The following LRRC7 variants were observed in gnomAD, a reference collection of about 807,000 sequenced individuals.
LRRC7 encodes leucine rich repeat containing 7.
In LRRC7, 23 loss-of-function variants were observed where a neutral mutation model predicts 175.7. The observed-to-expected ratio is 0.13, with a 90% CI of 0.09 to 0.19. The LOEUF is 0.19. Ranked by LOEUF, LRRC7 falls within the 10% of genes least tolerant of loss-of-function variation. The probability of loss-of-function intolerance (pLI) is 1.00; values close to 1 mark genes in which losing one functional copy is unlikely to be tolerated. For synonymous variants in LRRC7, 685 were observed against 680.9 expected (o/e 1.01, Z -0.09); for missense variants, 1,354 against 1,904.7 (o/e 0.71, Z 5.38).
chr1:69,807,395 T>C (rs964005709), intron 4 of LRRC7, among the ~76,000 whole-genome samples: 28 of 152,086 alleles, frequency 1.8e-4, no homozygotes, highest in African/African-American at 6.3e-4. Flanking sequence ...CTAGCCTTGA[T>C]GGTCTTTACA....
In LRRC7 at chr1:70,038,096, TC is replaced by T. The variant is rs1182578692; in HGVS notation, c.2289-14del. On this transcript the variant is annotated splice_polypyrimidine_tract_variant and intron_variant, in intron 20 of 26. Coordinates refer to ENST00000651989, the MANE Select transcript of LRRC7 (RefSeq NM_001370785.2). ...CTCTTCGTCCTTTTCAATTTCTTCT[TC>T]CCATTGTGTTCACAGGATTGCACCA... 1 of 1,572,948 alleles carries T rather than the reference TC, an allele frequency of 6.4e-7. No homozygotes were observed. Among genetic ancestry groups the T allele is most frequent in the Admixed American group, 1.9e-5 (1 of 53,640 alleles).
chr1:69,776,587 C>T (rs1207395835), intron 3 of LRRC7, among the ~76,000 whole-genome samples: 1 of 152,116 alleles, frequency 6.6e-6, no homozygotes, highest in Non-Finnish European at 1.5e-5. Flanking sequence ...GAGTTAAGAC[C>T]AGTCAGAGAT....
At position 69,857,386 on chromosome 1, in the gene LRRC7, T is replaced by G. The variant is rs1344678966; in HGVS notation, c.647+19103T>G. ...AACCCCATTGTCTCAGCCCAAAATC[T>G]CCTTAAGCTGATAAGCAACTTCAGC... On this transcript the variant is annotated intron_variant, in intron 7 of 26. Transcript: ENST00000651989. Among the ~76,000 whole-genome samples, 11 of 152,320 alleles carry G rather than the reference T, an allele frequency of 7.2e-5. No individual in the cohort carries two copies. In the Middle Eastern group the frequency reaches 0.01, roughly 141 times the overall value.
chr1:69,874,320 T>C (rs1685846174), intron 7 of LRRC7: 1 of 152,154 alleles, frequency 6.6e-6, no homozygotes, highest in South Asian at 2.1e-4. Flanking sequence ...TTTTAACATT[T>C]TATACATACA....
chr1:69,907,743 C>A (rs1480652129), intron 7 of LRRC7, among the ~76,000 whole-genome samples: 1 of 152,170 alleles, frequency 6.6e-6, no homozygotes, highest in Non-Finnish European at 1.5e-5. Context: ...GTGTCTCTGT[C>A]AGGCTTTGGT....
chr1:69,838,146 G>A, intron 6 of LRRC7, 81 bp from the exon 7 acceptor site: 1 of 897,780 alleles, frequency 1.1e-6, no homozygotes, highest in East Asian at 2.5e-5. Flanking sequence ...TAACCCTATA[G>A]TGCTACCAAA....
chr1:69,744,324 C>T (rs967905320), intron 2 of LRRC7, among the ~76,000 whole-genome samples: 3 of 151,730 alleles, frequency 2.0e-5, no homozygotes, highest in African/African-American at 4.8e-5. Context: ...TTTCTACTAT[C>T]CTTAAAGACT....
At chr1:70,115,957 C>A (rs1665821109) in intron 26 of LRRC7, among the ~76,000 whole-genome samples, 1 of 152,122 alleles carries the variant, frequency 6.6e-6, no homozygotes, top group Non-Finnish European at 1.5e-5. Context: ...TGCAGTTATT[C>A]TTTTTGTGAA....
chr1:69,570,599 C>T (rs1645701196), intron 1 of LRRC7, among the ~76,000 whole-genome samples: 1 of 152,176 alleles, frequency 6.6e-6, no homozygotes, highest in African/African-American at 2.4e-5. Context: ...AAGTGTCACG[C>T]CTCCGTCCAG....
intron 1 of LRRC7, among the ~76,000 whole-genome samples, chr1:69,571,372 T>G (rs1232615433): frequency 6.6e-6 from 1 of 152,232 alleles, no homozygotes; most frequent in Admixed American, 6.5e-5. Context: ...GCTTTTAATT[T>G]TTCTAATTCC....
At chr1:70,053,283 T>C (rs1660883010) in intron 23 of LRRC7, 138 bp downstream of exon 23, 3 of 734,734 alleles carry the variant, frequency 4.1e-6, no homozygotes, top group Middle Eastern at 2.6e-4. Context: ...TACACGAGTT[T>C]GGTTGACTGT....
chr1:69,903,728 T>C (rs2101675773), intron 7 of LRRC7, among the ~76,000 whole-genome samples: 1 of 152,228 alleles, frequency 6.6e-6, no homozygotes, highest in East Asian at 1.9e-4. Context: ...AGCTGGTTTT[T>C]TGAAAAGACT....
intron 18 of LRRC7, among the ~76,000 whole-genome samples, chr1:70,033,652 T>C (rs1659003727): frequency 6.6e-6 from 1 of 152,144 alleles, no homozygotes; most frequent in Middle Eastern, 3.2e-3. Flanking sequence ...GATCAGAAAC[T>C]TGAACCTGAG....
chr1:69,995,537 A>G (rs1292678711), intron 11 of LRRC7, among the ~76,000 whole-genome samples: 3 of 150,702 alleles, frequency 2.0e-5, no homozygotes, highest in Non-Finnish European at 4.4e-5. Context: ...ATATCTCCCA[A>G]TGCTATCCCT....
chr1:69,597,449 G>A (rs1410462232), intron 1 of LRRC7, among the ~76,000 whole-genome samples: 3 of 152,024 alleles, frequency 2.0e-5, no homozygotes, highest in African/African-American at 7.2e-5. Flanking sequence ...CCAATAAATA[G>A]TACTACTATT....
chr1:69,763,693 A>G (rs1671289836), intron 3 of LRRC7, among the ~76,000 whole-genome samples: 1 of 152,082 alleles, frequency 6.6e-6, no homozygotes, highest in African/African-American at 2.4e-5. Context: ...ATGCCTCAAA[A>G]TCAAAAACTA....
At chr1:69,592,167 C>G (rs185656516) in intron 1 of LRRC7, among the ~76,000 whole-genome samples, 23 of 152,116 alleles carry the variant, frequency 1.5e-4, no homozygotes, top group Non-Finnish European at 2.5e-4. Context: ...CCTCTTTCCC[C>G]TCCCTCACAC....
intron 1 of LRRC7, among the ~76,000 whole-genome samples, chr1:69,616,982 A>G (rs1037016129): frequency 2.7e-4 from 41 of 152,130 alleles, no homozygotes; most frequent in Admixed American, 2.7e-3. Flanking sequence ...ATAAAATTCA[A>G]ATGTCAGAAG....
intron 3 of LRRC7, among the ~76,000 whole-genome samples, chr1:69,781,839 AAGGAAGGGAGAG>A (rs1673722776): frequency 1.2e-5 from 1 of 85,064 alleles, no homozygotes; most frequent in African/African-American, 4.9e-5. Flanking sequence ...GGAAGGAAGG[AAGGAAGGGAGAG>A]AAAGAAAGAG....
Sources: allele counts gnomAD v4.1 joint callset (sites outside exome capture counted in the v4.1 genomes callset), GRCh38; gene constraint gnomAD v4.1.1; transcripts MANE v1.5; gene names NCBI Gene and HGNC (gene_info 2026-07-23, HGNC 2026-07-21).